Variants in EPB41L5 observed in about 807,000 individuals in gnomAD.
EPB41L5 encodes band 4.1-like protein 5.
EPB41L5 carries 55 observed loss-of-function variants against 106.6 expected under a neutral mutation model. That is an observed-to-expected ratio of 0.52 (90% CI 0.42 to 0.65). EPB41L5 has a LOEUF of 0.65. Among genes scored for constraint, EPB41L5 ranks in the 30% least tolerant of loss-of-function variants. The probability of loss-of-function intolerance (pLI) is 0.00; values close to 1 mark genes in which losing one functional copy is unlikely to be tolerated. For missense variants in EPB41L5, 871 were observed against 882.1 expected (o/e 0.99, Z 0.16); for synonymous variants, 297 against 306.7 (o/e 0.97, Z 0.33).
intron 3 of EPB41L5, among the ~76,000 whole-genome samples, chr2:120,043,503 C>T (rs968466137): frequency 1.3e-5 from 2 of 151,598 alleles, no homozygotes; most frequent in East Asian, 1.9e-4. Flanking sequence ...GCCAAGATTG[C>T]GCCACTACAC....
chr2:120,120,627 TAAAG>T (rs1203942755), intron 16 of EPB41L5, among the ~76,000 whole-genome samples: 5 of 151,362 alleles, frequency 3.3e-5, no homozygotes, highest in African/African-American at 9.7e-5. Flanking sequence ...AAAATTAGTA[TAAAG>T]AAAGAAAGAA....
chr2:120,053,499 C>T (rs569386801), intron 3 of EPB41L5, among the ~76,000 whole-genome samples: 1 of 152,120 alleles, frequency 6.6e-6, no homozygotes, highest in African/African-American at 2.4e-5. Flanking sequence ...CAGTCATTTC[C>T]CATTTACCCC....
In EPB41L5 at chr2:120,095,549, ACT is replaced by A. The variant is rs1259792435; in HGVS notation, c.1178+2274_1178+2275del. ...TCTCACTTGACCTGTCCTCAAGCTT[ACT>A]GATTTTTTTTTTTAAACCACTTAAA... On this transcript the variant is annotated intron_variant, in intron 14 of 24. Coordinates refer to ENST00000263713, the MANE Select transcript of EPB41L5 (RefSeq NM_020909.4). Among the ~76,000 whole-genome samples, 8 of 147,948 alleles carry A rather than the reference ACT, an allele frequency of 5.4e-5. No individual in the cohort carries two copies. The Middle Eastern group carries it at 0.014, about 255-fold the overall frequency.
Position 120,042,077 on chromosome 2 carries a change from T to C in EPB41L5, c.252T>C (p.Phe84=), listed in dbSNP as rs1257222837. The stretch of plus-strand genomic sequence containing the variant: ...TGGACCTGATTGAAAGCGACTATTT[T>C]GGTCTGAGATTTATGGATTCAGCAC... ...YHLDLIESDY[F]GLRFMDSAQV... Residue 84 remains phenylalanine (F), a synonymous_variant, in exon 3 of 25, where the codon TTT becomes TTC. Transcript: ENST00000263713. The C allele has an allele frequency of 1.2e-6, 2 of 1,613,558 alleles. No individual in the cohort carries two copies. The highest frequency in any genetic ancestry group is 1.6e-4 in the Middle Eastern group (1 of 6,076).
intron 17 of EPB41L5, 140 bp from the exon 18 acceptor site, chr2:120,131,472 ATATATT>A (rs1262560085): frequency 9.9e-6 from 6 of 607,032 alleles, no homozygotes; most frequent in Non-Finnish European, 1.5e-5. Context: ...TGGAAAGAAA[ATATATT>A]TATTTTGTGT....
chr2:120,142,753 G>T (rs1321734955), intron 18 of EPB41L5, among the ~76,000 whole-genome samples: 1 of 152,088 alleles, frequency 6.6e-6, no homozygotes, highest in Admixed American at 6.6e-5. Flanking sequence ...CAGGTGGTTG[G>T]CCAGATTTGC....
At chr2:120,067,206 A>T (rs1255424101) in intron 3 of EPB41L5, among the ~76,000 whole-genome samples, 1 of 152,252 alleles carries the variant, frequency 6.6e-6, no homozygotes, top group African/African-American at 2.4e-5. Context: ...TTTGCTGAAC[A>T]TTTTATTTAA....
intron 7 of EPB41L5, among the ~76,000 whole-genome samples, chr2:120,076,302 T>C (rs1682227556): frequency 6.6e-6 from 1 of 151,770 alleles, no homozygotes; most frequent in South Asian, 2.1e-4. Flanking sequence ...TGTATATCAG[T>C]ATATTCTTTT....
chr2:120,161,646 G>T (rs1687144744), intron 21 of EPB41L5, among the ~76,000 whole-genome samples: 1 of 152,146 alleles, frequency 6.6e-6, no homozygotes, highest in African/African-American at 2.4e-5. Flanking sequence ...TCTAGGGCAT[G>T]GGTCCCCAAT....
At chr2:120,174,552 T>C (rs1372232053) in intron 24 of EPB41L5, among the ~76,000 whole-genome samples, 5 of 152,140 alleles carry the variant, frequency 3.3e-5, no homozygotes, top group Non-Finnish European at 7.4e-5. Flanking sequence ...TTGATACTCA[T>C]ACTAACCCTG....
intron 16 of EPB41L5, chr2:120,106,898 A>G: frequency 1.0e-6 from 1 of 975,520 alleles, no homozygotes; most frequent in Non-Finnish European, 1.2e-6. Context: ...ACAGAGAAAA[A>G]TAAATTTTAT....
intron 6 of EPB41L5, 43 bp downstream of exon 6, chr2:120,075,563 T>C: frequency 6.8e-7 from 1 of 1,462,796 alleles, no homozygotes; most frequent in Non-Finnish European, 9.5e-7. Context: ...TTTTCGTGAG[T>C]GGTTGAAAAA....
intron 3 of EPB41L5, among the ~76,000 whole-genome samples, chr2:120,065,250 G>A (rs1681366841): frequency 6.6e-6 from 1 of 151,750 alleles, no homozygotes; most frequent in South Asian, 2.1e-4. Context: ...AATAACTGGG[G>A]GACTGTAGGC....
intron 3 of EPB41L5, among the ~76,000 whole-genome samples, chr2:120,066,845 G>T (rs1410008100): frequency 6.6e-6 from 1 of 152,216 alleles, no homozygotes; most frequent in Non-Finnish European, 1.5e-5. Context: ...ATTTGCATCA[G>T]GCTGTAGTAG....
At chr2:120,124,885 G>A (rs892494405) in intron 16 of EPB41L5, among the ~76,000 whole-genome samples, 1 of 152,080 alleles carries the variant, frequency 6.6e-6, no homozygotes, top group Admixed American at 6.5e-5. Flanking sequence ...TGAGATTGAG[G>A]TTAAACATTT....
chr2:120,025,448 C>T (rs1678239153), intron 2 of EPB41L5, among the ~76,000 whole-genome samples: 1 of 151,930 alleles, frequency 6.6e-6, no homozygotes, highest in African/African-American at 2.4e-5. Context: ...TGTGTCTTTG[C>T]AGGTGAGATG....
At position 120,037,454 on chromosome 2, in the gene EPB41L5, A is replaced by C. The variant is rs76124772; in HGVS notation, c.181-4552A>C. Among the ~76,000 whole-genome samples the C allele has an allele frequency of 7.7e-3, 1,166 of 152,316 alleles. 12 individuals carry two copies. The highest frequency in any genetic ancestry group is 0.027 in the African/African-American group (1,106 of 41,578). On this transcript the variant is annotated intron_variant, in intron 2 of 24. Coordinates refer to ENST00000263713, the MANE Select transcript of EPB41L5 (RefSeq NM_020909.4). ...CTGAAGGGAGCCAAAACAATCTTGA[A>C]AAGAAGAAGAAAGTTAGAGGACTCA...
At chr2:120,144,407 T>G (rs866859919) in intron 19 of EPB41L5, among the ~76,000 whole-genome samples, 15 of 152,348 alleles carry the variant, frequency 9.8e-5, no homozygotes, top group Admixed American at 2.0e-4. Flanking sequence ...TTATGTTGTT[T>G]TGTTAGAACA....
At chr2:120,020,704 C>T (rs1385556112) in intron 2 of EPB41L5, among the ~76,000 whole-genome samples, 2 of 151,796 alleles carry the variant, frequency 1.3e-5, no homozygotes, top group Non-Finnish European at 2.9e-5. Flanking sequence ...TGGTGAAAAG[C>T]CTGAGATTGC....
Sources: gnomAD v4.1 joint callset for allele counts (sites outside exome capture counted in the v4.1 genomes callset) on GRCh38, gnomAD v4.1.1 for gene constraint, MANE v1.5 for transcripts, NCBI Gene and HGNC (gene_info 2026-07-23, HGNC 2026-07-21) for gene names.